The following IL1RAPL2 variants were observed in gnomAD, a reference collection of about 807,000 sequenced individuals.
The protein encoded by IL1RAPL2 is X-linked interleukin-1 receptor accessory protein-like 2.
A neutral mutation model predicts 44.1 loss-of-function variants in IL1RAPL2; 3 were observed. The observed-to-expected ratio is 0.07, with a 90% CI of 0.03 to 0.18. The LOEUF (loss-of-function observed/expected upper bound fraction) is 0.18. Among genes scored for constraint, IL1RAPL2 ranks in the 10% least tolerant of loss-of-function variants. The pLI, the probability that IL1RAPL2 is intolerant of heterozygous loss-of-function variation, is 1.00. For synonymous variants in IL1RAPL2, 181 were observed against 178.8 expected (o/e 1.01, Z -0.10); for missense variants, 391 against 496.4 (o/e 0.79, Z 2.02).
intron 2 of IL1RAPL2, among the ~76,000 whole-genome samples, chrX:104,979,381 T>G (rs187640293): frequency 3.6e-5 from 4 of 111,226 alleles, no homozygotes; most frequent in African/African-American, 1.3e-4. Context: ...GGATGGGAGA[T>G]CTTGGCATAT....
chrX:104,995,106 C>T (rs1244528791), intron 2 of IL1RAPL2, among the ~76,000 whole-genome samples: 1 of 111,634 alleles, frequency 9.0e-6, no homozygotes, highest in Non-Finnish European at 1.9e-5. Context: ...CCCACCATCA[C>T]ACTCTGTCCT....
chrX:105,754,145 AAC>A (rs1203359484), intron 9 of IL1RAPL2, among the ~76,000 whole-genome samples: 4 of 112,522 alleles, frequency 3.6e-5, no homozygotes, highest in Non-Finnish European at 5.6e-5. Flanking sequence ...TGAAATTTTT[AAC>A]AGTCTTTCGC....
At chrX:104,768,502 C>T (rs1286169183) in intron 2 of IL1RAPL2, among the ~76,000 whole-genome samples, 1 of 111,580 alleles carries the variant, frequency 9.0e-6, no homozygotes, top group African/African-American at 3.3e-5. Context: ...TCAGCCTTCT[C>T]AAACACTGTT....
intron 5 of IL1RAPL2, among the ~76,000 whole-genome samples, chrX:105,314,961 G>T (rs767215756): frequency 3.6e-5 from 4 of 112,225 alleles, no homozygotes; most frequent in Non-Finnish European, 7.5e-5. Flanking sequence ...TGTTGGAACA[G>T]AAATAATTTA....
At chrX:104,816,035 A>G (rs1921126261) in intron 2 of IL1RAPL2, among the ~76,000 whole-genome samples, 1 of 111,629 alleles carries the variant, frequency 9.0e-6, no homozygotes, top group East Asian at 2.8e-4. Context: ...ATATTTTTAC[A>G]GTCCCTGTAG....
chrX:104,863,100 G>C (rs1922533481), intron 2 of IL1RAPL2, among the ~76,000 whole-genome samples: 1 of 111,804 alleles, frequency 8.9e-6, no homozygotes, highest in Admixed American at 9.5e-5. Context: ...ATGAAGGCTA[G>C]ACAGTTGGAG....
Position 105,397,161 on chromosome X carries a change from G to T in IL1RAPL2, c.698-87152G>T, listed in dbSNP as rs144459217. On this transcript the variant is annotated intron_variant, in intron 5 of 10. Coordinates refer to ENST00000372582, the MANE Select transcript of IL1RAPL2 (RefSeq NM_017416.2). The stretch of plus-strand genomic sequence containing the variant: ...CTACTTGCAGGAAAATAAGCTCAGG[G>T]ATTCCACTGATTCTACATTATGATG... 3.6e-3 allele frequency among the ~76,000 whole-genome samples: 399 copies of T among 110,748 alleles called. 16 individuals carry two copies. In the East Asian group the frequency reaches 0.088, roughly 24 times the overall value.
intron 6 of IL1RAPL2, among the ~76,000 whole-genome samples, chrX:105,681,013 G>A (rs1030917082): frequency 5.4e-5 from 6 of 111,899 alleles, no homozygotes; most frequent in East Asian, 2.8e-4. Context: ...AATAGATTGC[G>A]TGGGGGGATC....
At chrX:105,307,183 G>A (rs1186197049) in intron 5 of IL1RAPL2, among the ~76,000 whole-genome samples, 1 of 107,218 alleles carries the variant, frequency 9.3e-6, no homozygotes, top group Non-Finnish European at 1.9e-5. Context: ...CTCAACACGT[G>A]AGGATTACAA....
chrX:105,490,734 A>T (rs1370202679), intron 6 of IL1RAPL2, among the ~76,000 whole-genome samples: 12 of 112,515 alleles, frequency 1.1e-4, no homozygotes, highest in Non-Finnish European at 2.1e-4. Flanking sequence ...TTCTTACTGG[A>T]TGCCAGCATA....
At chrX:104,576,540 G>A (rs1191963909) in intron 1 of IL1RAPL2, among the ~76,000 whole-genome samples, 2 of 111,395 alleles carry the variant, frequency 1.8e-5, no homozygotes, top group African/African-American at 6.5e-5. Context: ...TTAATATTTG[G>A]AGGTGGTAAT....
chrX:105,091,311 CT>C (rs1490679509), intron 2 of IL1RAPL2, among the ~76,000 whole-genome samples: 2 of 112,018 alleles, frequency 1.8e-5, no homozygotes, highest in East Asian at 5.6e-4. Context: ...GGTCTTGATG[CT>C]AACAATGTCT....
intron 2 of IL1RAPL2, among the ~76,000 whole-genome samples, chrX:104,930,779 T>A (rs977519425): frequency 3.6e-5 from 4 of 111,964 alleles, no homozygotes; most frequent in Non-Finnish European, 7.5e-5. Flanking sequence ...CCATATTGCA[T>A]TCATTAACTT....
At chrX:105,503,762 C>A (rs1384084817) in intron 6 of IL1RAPL2, among the ~76,000 whole-genome samples, 2 of 111,884 alleles carry the variant, frequency 1.8e-5, no homozygotes, top group African/African-American at 6.5e-5. Context: ...AAGGGAGAAT[C>A]TGTTCCATGT....
At chrX:104,636,547 C>A (rs1194749760) in intron 1 of IL1RAPL2, among the ~76,000 whole-genome samples, 1 of 112,030 alleles carries the variant, frequency 8.9e-6, no homozygotes, top group Non-Finnish European at 1.9e-5. Context: ...CAATGGCGGG[C>A]ACCCCTCCCC....
At position 104,605,651 on chromosome X, in the gene IL1RAPL2, C is replaced by A. The variant is rs187391792; in HGVS notation, c.-20+38600C>A. 1.1e-3 allele frequency among the ~76,000 whole-genome samples: 120 copies of A among 111,714 alleles called. 2 individuals carry two copies. The highest frequency in any genetic ancestry group is 9.4e-3 in the Admixed American group (99 of 10,568). On this transcript the variant is annotated intron_variant, in intron 1 of 10. Coordinates refer to ENST00000372582, the MANE Select transcript of IL1RAPL2 (RefSeq NM_017416.2). ...ATATAGGGGATATCACCAATGTTCC[C>A]ACAGAAATGCAAACTACCATTAGAG...
At chrX:104,747,685 C>A (rs1932199775) in intron 2 of IL1RAPL2, among the ~76,000 whole-genome samples, 1 of 110,974 alleles carries the variant, frequency 9.0e-6, no homozygotes, top group Non-Finnish European at 1.9e-5. Flanking sequence ...GTAGAGCCTG[C>A]AAAGAGCATT....
At chrX:105,056,501 A>G (rs1348685295) in intron 2 of IL1RAPL2, among the ~76,000 whole-genome samples, 2 of 112,110 alleles carry the variant, frequency 1.8e-5, no homozygotes, top group Admixed American at 9.4e-5. Context: ...ATTTGAAGAA[A>G]TCAAGAACTT....
chrX:105,607,397 A>G (rs903480830), intron 6 of IL1RAPL2, among the ~76,000 whole-genome samples: 4 of 108,278 alleles, frequency 3.7e-5, no homozygotes, highest in African/African-American at 1.3e-4. Flanking sequence ...CAATTGTATC[A>G]GCATTCTTTA....
Sources: gnomAD v4.1 joint callset for allele counts (sites outside exome capture counted in the v4.1 genomes callset) on GRCh38, gnomAD v4.1.1 for gene constraint, MANE v1.5 for transcripts, NCBI Gene and HGNC (gene_info 2026-07-23, HGNC 2026-07-21) for gene names.